The following ISM2 variants were observed in gnomAD, a reference collection of about 807,000 sequenced individuals.
ISM2 encodes isthmin 2, also known as isthmin-2.
A neutral mutation model predicts 58.0 loss-of-function variants in ISM2; 50 were observed. That is an observed-to-expected ratio of 0.86 (90% confidence interval 0.69 to 1.09). The LOEUF is 1.09. Ranked by LOEUF, ISM2 falls within the 50% of genes least tolerant of loss-of-function variation. The pLI is 0.00. For synonymous variants in ISM2, 303 were observed against 312.4 expected (o/e 0.97, Z 0.32); for missense variants, 723 against 745.0 (o/e 0.97, Z 0.34).
Position 77,482,312 on chromosome 14 carries a change from G to T in ISM2, c.973+10C>A. The T allele has an allele frequency of 6.2e-7, 1 of 1,602,650 alleles. No homozygotes were observed. Among genetic ancestry groups the T allele is most frequent in the Non-Finnish European group, 8.5e-7 (1 of 1,173,150 alleles). Reference sequence around the variant, plus strand: ...GAGCAGCCTGGGGATGCCAAGATGGGGGTGCTCACCGTAGCTGACAGAATC... The same window carrying T: ...GAGCAGCCTGGGGATGCCAAGATGGTGGTGCTCACCGTAGCTGACAGAATC... On this transcript the variant is annotated intron_variant, in intron 4 of 6. Transcript: ENST00000342219.
At chr14:77,483,650 G>A (rs1290046352) in intron 3 of ISM2, among the ~76,000 whole-genome samples, 3 of 151,972 alleles carry the variant, frequency 2.0e-5, no homozygotes, top group Admixed American at 6.6e-5. Context: ...GTGCGTGTGT[G>A]TGTGTGTGTC....
intron 4 of ISM2, among the ~76,000 whole-genome samples, chr14:77,480,844 C>A (rs1369506620): frequency 1.3e-5 from 2 of 151,756 alleles, no homozygotes; most frequent in African/African-American, 4.8e-5. Flanking sequence ...AAGGCATGAG[C>A]CACCATGCCC....
At chr14:77,493,854 C>T (rs1194898912) in intron 1 of ISM2, among the ~76,000 whole-genome samples, 1 of 152,158 alleles carries the variant, frequency 6.6e-6, no homozygotes, top group South Asian at 2.1e-4. Context: ...TCACTGCAAG[C>T]TCGGTCTCCC....
In ISM2 at chr14:77,475,669, T is replaced by G; in HGVS notation, c.1642A>C (p.Asn548His). 1 of 1,613,808 alleles carries G rather than the reference T, an allele frequency of 6.2e-7. No homozygotes were observed. Among genetic ancestry groups the G allele is most frequent in the Non-Finnish European group, 8.5e-7 (1 of 1,179,868 alleles). ...GGGTTGTCGGTGCAGGCTCGGCCGT[T>G]GTTGGGAGGGAGCACAGCGTGGAGG... ...SRLHAVLPPN[N>H]GRACTDNPLE... Residue 548 changes from asparagine to histidine, a missense_variant, in exon 7 of 7, where the codon AAC (asparagine) becomes CAC (histidine). Physicochemically the swap from Asn to His is moderately conservative, Grantham distance 68 (BLOSUM62 1). Coordinates refer to ENST00000342219, the MANE Select transcript of ISM2 (RefSeq NM_199296.3). This position sits in a 1 kb window ranked among gnomAD's most constrained non-coding sequence, Gnocchi z 4.1.
At position 77,476,013 on chromosome 14, in the gene ISM2, T is replaced by G. The variant is rs768886495; in HGVS notation, c.1298A>C (p.Tyr433Ser). The G allele has an allele frequency of 2.5e-6, 4 of 1,582,712 alleles. No individual in the cohort carries two copies. The Admixed American group carries it at 6.8e-5, about 27-fold the overall frequency. ...AGGGCTGTCCATGGCCTCCAGTGGGTAGGCACACGGGCAGCTGGGCAGGTC... is the reference window on the plus strand; with the variant it reads ...AGGGCTGTCCATGGCCTCCAGTGGGGAGGCACACGGGCAGCTGGGCAGGTC... ...LRDLPSCPCAYPLEAMDSPVS... is the reference protein window; with the variant it reads ...LRDLPSCPCASPLEAMDSPVS... The change falls in exon 7 of 7, where the codon TAC (tyrosine) becomes TCC (serine). Residue 433 changes from tyrosine to serine, a missense_variant. Physicochemically the swap from Tyr to Ser is moderately radical, Grantham distance 144 (BLOSUM62 -2). Coordinates refer to ENST00000342219, the MANE Select transcript of ISM2 (RefSeq NM_199296.3).
intron 4 of ISM2, among the ~76,000 whole-genome samples, chr14:77,479,954 T>C (rs1318731129): frequency 6.6e-6 from 1 of 151,990 alleles, no homozygotes; most frequent in Non-Finnish European, 1.5e-5. Context: ...GCCACCCACC[T>C]GGCCTGAGCT....
chr14:77,497,432 A>G (rs1366827739), intron 1 of ISM2, among the ~76,000 whole-genome samples: 1 of 150,034 alleles, frequency 6.7e-6, no homozygotes, highest in Non-Finnish European at 1.5e-5. Context: ...TGCCTGTAAT[A>G]CTGGCACTAT....
chr14:77,498,572 G>A lies in ISM2; in HGVS notation c.141+81C>T, dbSNP rs1416605768. The stretch of plus-strand genomic sequence containing the variant: ...CGCTGCCTGTGTGTGTCCCGGTCCC[G>A]CTCCCCGCACGGCTGGAGCCGGCGG... On this transcript the variant is annotated intron_variant, in intron 1 of 6. Coordinates refer to ENST00000342219, the MANE Select transcript of ISM2 (RefSeq NM_199296.3). 3.6e-6 allele frequency: 5 copies of A among 1,384,162 alleles called. No individual in the cohort carries two copies. In the African/African-American group the frequency reaches 4.6e-5, roughly 13 times the overall value. The allele number at this position is 1,384,162 out of a possible 1,614,324, so 85.7% of individuals were successfully genotyped here.
chr14:77,495,887 T>A (rs2079236585), intron 1 of ISM2, among the ~76,000 whole-genome samples: 1 of 152,188 alleles, frequency 6.6e-6, no homozygotes, highest in Non-Finnish European at 1.5e-5. Context: ...CAAAGGGCTA[T>A]AATACATAGA....
rs192479833 is a variant in ISM2, at chr14:77,475,280, A to G, written c.*315T>C. 1.5e-4 allele frequency: 34 copies of G among 223,854 alleles called. No homozygotes were observed. Among genetic ancestry groups the G allele is most frequent in the African/African-American group, 6.6e-4 (29 of 44,088 alleles). The allele number at this position is 223,854 out of a possible 1,614,324, so 13.9% of individuals were successfully genotyped here. ...CCAGGGCAGAAGAGCCCAGCTCCCAAGGAGGAGAAAAATGAGTGGCCAGGG... is the reference window on the plus strand; with the variant it reads ...CCAGGGCAGAAGAGCCCAGCTCCCAGGGAGGAGAAAAATGAGTGGCCAGGG... On this transcript the variant is annotated 3_prime_UTR_variant, in exon 7 of 7. Transcript: ENST00000342219. The surrounding 1 kb of genome is among the most constrained non-coding windows in gnomAD (Gnocchi z 4.1).
intron 1 of ISM2, among the ~76,000 whole-genome samples, chr14:77,490,394 G>A (rs201404716): frequency 6.4e-4 from 3 of 4,708 alleles, no homozygotes; most frequent in Non-Finnish European, 3.6e-3. Flanking sequence ...GAAAAAGAAC[G>A]GAGCCAGTCT....
chr14:77,484,926 GAGAGAGA>G lies in ISM2; in HGVS notation c.142-14_142-8del. On this transcript the variant is annotated splice_polypyrimidine_tract_variant and splice_region_variant and intron_variant, in intron 1 of 6. Transcript: ENST00000342219. ...GATCTGGGGAGGCTGAGACCTGAGGGAGAGAGAAGGAAGGTAAGGTAACAGGTCAGGG... is the reference window on the plus strand; with the variant it reads ...GATCTGGGGAGGCTGAGACCTGAGGGAGGAAGGTAAGGTAACAGGTCAGGG... The G allele has an allele frequency of 6.5e-7, 1 of 1,535,028 alleles. No homozygotes were observed. Among genetic ancestry groups the G allele is most frequent in the South Asian group, 1.3e-5 (1 of 77,564 alleles).
At position 77,475,854 on chromosome 14, in the gene ISM2, G is replaced by A. The variant is rs2079094363; in HGVS notation, c.1457C>T (p.Thr486Ile). The A allele has an allele frequency of 6.2e-7, 1 of 1,609,950 alleles. No homozygotes were observed. The highest frequency in any genetic ancestry group is 2.2e-5 in the East Asian group (1 of 44,870). Residue 486 changes from threonine to isoleucine, a missense_variant, in exon 7 of 7, where the codon ACA becomes ATA. By Grantham distance (89) the Thr-to-Ile change is moderately conservative. Transcript: ENST00000342219. This position sits in a 1 kb window ranked among gnomAD's most constrained non-coding sequence, Gnocchi z 4.1. ...ATAGCAGCAGTGCTGGGCGGCCAGT[G>A]TGCTGCTCTCCCCAGACAGCATGGA... is the stretch of plus-strand genomic sequence containing the variant. ...LRSMLSGESS[T>I]LAAQHCCYDE...
intron 5 of ISM2, 71 bp downstream of exon 5, chr14:77,478,504 T>A: frequency 3.2e-6 from 5 of 1,568,854 alleles, no homozygotes; most frequent in Non-Finnish European, 4.4e-6. Context: ...CCCACCCACA[T>A]TCCCAGGGGA....
chr14:77,475,852 G>T lies in ISM2; in HGVS notation c.1459C>A (p.Leu487Met). The T allele has an allele frequency of 6.2e-7, 1 of 1,610,124 alleles. No individual in the cohort carries two copies. Residue 487 changes from leucine to methionine, a missense_variant, in exon 7 of 7, where the codon CTG becomes ATG. By Grantham distance (15) the Leu-to-Met change is conservative. Transcript: ENST00000342219. This position sits in a 1 kb window ranked among gnomAD's most constrained non-coding sequence, Gnocchi z 4.1. ...RSMLSGESST[L>M]AAQHCCYDED... ...TCATAGCAGCAGTGCTGGGCGGCCA[G>T]TGTGCTGCTCTCCCCAGACAGCATG... is the stretch of plus-strand genomic sequence containing the variant.
At chr14:77,481,424 G>C (rs892584287) in intron 4 of ISM2, among the ~76,000 whole-genome samples, 39 of 152,170 alleles carry the variant, frequency 2.6e-4, no homozygotes, top group Non-Finnish European at 1.5e-5. Context: ...TGCTGCTGTT[G>C]TGTCTTTTTC....
chr14:77,498,143 G>C (rs1876464861), intron 1 of ISM2: 1 of 687,330 alleles, frequency 1.5e-6, no homozygotes, highest in South Asian at 1.7e-5. Context: ...CACGAGGACA[G>C]AGCCAGTCTC....
rs573880485 is a variant in ISM2, at chr14:77,493,223, T to C, written c.141+5430A>G. 1.2e-4 allele frequency among the ~76,000 whole-genome samples: 18 copies of C among 152,272 alleles called. 1 individual carries two copies. In the South Asian group the frequency reaches 3.3e-3, roughly 28 times the overall value. On this transcript the variant is annotated intron_variant, in intron 1 of 6. Transcript: ENST00000342219. ...GTTGCCCAGGCTGATCTTGAACTCC[T>C]GAGCTCAAGTGATCCACCTGCCTTG...
intron 5 of ISM2, 59 bp from the exon 6 acceptor site, chr14:77,478,384 G>T: frequency 6.6e-7 from 1 of 1,513,852 alleles, no homozygotes; most frequent in Non-Finnish European, 9.2e-7. Context: ...TGCCGCTGAT[G>T]GGGAAACCCC....
Sources: allele counts gnomAD v4.1 joint callset (sites outside exome capture counted in the v4.1 genomes callset), GRCh38; gene constraint gnomAD v4.1.1; non-coding constraint Gnocchi (gnomAD v3.1); transcripts MANE v1.5; gene names NCBI Gene and HGNC (gene_info 2026-07-23, HGNC 2026-07-21).